The following NRXN3 variants were observed in gnomAD, a reference collection of about 807,000 sequenced individuals.
NRXN3 encodes neurexin III.
A neutral mutation model predicts 137.6 loss-of-function variants in NRXN3; 32 were observed. The observed-to-expected ratio is 0.23, with a 90% CI of 0.18 to 0.31. The LOEUF (loss-of-function observed/expected upper bound fraction) is 0.31. Among genes scored for constraint, NRXN3 ranks in the 10% least tolerant of loss-of-function variants. The pLI is 1.00. For synonymous variants in NRXN3, 798 were observed against 784.5 expected (o/e 1.02, Z -0.29); for missense variants, 1,574 against 2,062.5 (o/e 0.76, Z 4.59).
intron 1 of NRXN3, among the ~76,000 whole-genome samples, chr14:78,203,120 A>C (rs1171212125): frequency 6.6e-6 from 1 of 152,082 alleles, no homozygotes; most frequent in Non-Finnish European, 1.5e-5. Context: ...TCTTACACTT[A>C]TGTCCATAGA....
At chr14:78,661,700 T>C (rs919404159) in intron 6 of NRXN3, among the ~76,000 whole-genome samples, 2 of 152,250 alleles carry the variant, frequency 1.3e-5, no homozygotes, top group Non-Finnish European at 2.9e-5. Flanking sequence ...TTAGAGTTTC[T>C]GGCTGCAAAG....
At chr14:79,267,313 G>T (rs2078588632) in intron 15 of NRXN3, among the ~76,000 whole-genome samples, 1 of 151,682 alleles carries the variant, frequency 6.6e-6, no homozygotes, top group Admixed American at 6.6e-5. Flanking sequence ...TAAATTTATA[G>T]TTAAGAGAAA....
chr14:78,173,556 A>G (rs1198858116), intron 1 of NRXN3, among the ~76,000 whole-genome samples: 1 of 66,248 alleles, frequency 1.5e-5, no homozygotes, highest in Non-Finnish European at 3.1e-5. Flanking sequence ...CTCCCCCTCC[A>G]TCCTCCCCCA....
At chr14:79,363,754 G>A (rs1432852540) in intron 15 of NRXN3, among the ~76,000 whole-genome samples, 1 of 152,174 alleles carries the variant, frequency 6.6e-6, no homozygotes, top group African/African-American at 2.4e-5. Context: ...CTCCTGCATA[G>A]AATATCTTTG....
intron 10 of NRXN3, among the ~76,000 whole-genome samples, chr14:78,952,233 GTT>G (rs35821335): frequency 4.7e-5 from 7 of 149,836 alleles, no homozygotes; most frequent in South Asian, 4.2e-4. Context: ...GATTTAAAAT[GTT>G]TTTTTTTTCC....
At chr14:78,479,184 C>G (rs1224487129) in intron 4 of NRXN3, among the ~76,000 whole-genome samples, 2 of 152,184 alleles carry the variant, frequency 1.3e-5, no homozygotes, top group African/African-American at 4.8e-5. Flanking sequence ...TACCAATGCC[C>G]AGGACCTTCC....
intron 15 of NRXN3, among the ~76,000 whole-genome samples, chr14:79,132,006 C>T (rs967869703): frequency 2.6e-4 from 40 of 152,272 alleles, no homozygotes; most frequent in African/African-American, 8.7e-4. Flanking sequence ...TTGCGCTTCC[C>T]GAGTGAGGCA....
intron 4 of NRXN3, among the ~76,000 whole-genome samples, chr14:78,310,025 A>C (rs890020796): frequency 1.3e-5 from 2 of 152,150 alleles, no homozygotes; most frequent in Non-Finnish European, 2.9e-5. Context: ...TGGTTAAAAC[A>C]CTTCCAGTTT....
intron 4 of NRXN3, among the ~76,000 whole-genome samples, chr14:78,570,877 GA>G (rs775552991): frequency 3.9e-5 from 6 of 152,170 alleles, no homozygotes; most frequent in Non-Finnish European, 7.3e-5. Flanking sequence ...TTCCATGACT[GA>G]GGCCCCCAAA....
intron 15 of NRXN3, among the ~76,000 whole-genome samples, chr14:79,020,423 G>T (rs1225665209): frequency 7.3e-6 from 1 of 136,738 alleles, no homozygotes; most frequent in East Asian, 2.0e-4. Context: ...GTGCCACCAC[G>T]CCTGGCTATT....
intron 10 of NRXN3, among the ~76,000 whole-genome samples, chr14:78,911,760 A>G (rs1567680256): frequency 6.6e-6 from 1 of 152,186 alleles, no homozygotes; most frequent in Non-Finnish European, 1.5e-5. Context: ...TATGATACAC[A>G]AGTAAGAATA....
chr14:79,476,834 G>T (rs888978680), intron 16 of NRXN3, among the ~76,000 whole-genome samples: 2 of 152,064 alleles, frequency 1.3e-5, no homozygotes, highest in Admixed American at 6.6e-5. Flanking sequence ...ATTTTCCCAA[G>T]ATAGCACTAC....
intron 5 of NRXN3, among the ~76,000 whole-genome samples, chr14:78,646,334 C>T (rs533402043): frequency 6.6e-5 from 10 of 152,112 alleles, no homozygotes; most frequent in African/African-American, 1.9e-4. Context: ...GTGCTGAGAC[C>T]GCCTTTTCCA....
chr14:79,639,801 G>A (rs2098423676), intron 16 of NRXN3, among the ~76,000 whole-genome samples: 1 of 152,240 alleles, frequency 6.6e-6, no homozygotes, highest in Non-Finnish European at 1.5e-5. Flanking sequence ...ATGGAATCAG[G>A]TGTTGTTATT....
chr14:78,553,812 G>T (rs1054124394), intron 4 of NRXN3, among the ~76,000 whole-genome samples: 3 of 152,062 alleles, frequency 2.0e-5, no homozygotes, highest in Non-Finnish European at 2.9e-5. Context: ...TCAACTCATG[G>T]TTCCAAATAA....
chr14:79,129,100 C>T (rs945920079), intron 15 of NRXN3, among the ~76,000 whole-genome samples: 1 of 152,024 alleles, frequency 6.6e-6, no homozygotes, highest in African/African-American at 2.4e-5. Context: ...AGCAGTCTAT[C>T]AATTTTGTTG....
chr14:79,673,988 G>A (rs1055487715), intron 17 of NRXN3, among the ~76,000 whole-genome samples: 1 of 152,004 alleles, frequency 6.6e-6, no homozygotes, highest in Non-Finnish European at 1.5e-5. Context: ...GCTCCCGTAC[G>A]CTGCCCTATC....
chr14:79,560,504 C>CTTTTTTTTTGTTTTTT (rs2097482621), intron 16 of NRXN3, among the ~76,000 whole-genome samples: 1 of 43,770 alleles, frequency 2.3e-5, no homozygotes, highest in Non-Finnish European at 4.0e-5. Context: ...AGATTGTAAG[C>CTTTTTTTTTGTTTTTT]TTTTTTTTTT....
intron 4 of NRXN3, among the ~76,000 whole-genome samples, chr14:78,568,563 G>T (rs192166709): frequency 4.5e-4 from 69 of 152,234 alleles, no homozygotes; most frequent in African/African-American, 1.3e-3. Context: ...TATGTATCAG[G>T]TTCACTATTT....
Sources: allele counts gnomAD v4.1 joint callset (sites outside exome capture counted in the v4.1 genomes callset), GRCh38; gene constraint gnomAD v4.1.1; transcripts MANE v1.5; gene names NCBI Gene and HGNC (gene_info 2026-07-23, HGNC 2026-07-21).